Variants in DNAH6 observed in about 807,000 individuals in gnomAD.
The protein encoded by DNAH6 is axonemal beta dynein heavy chain 6.
DNAH6 carries 340 observed loss-of-function variants against 491.4 expected under a neutral mutation model. The observed-to-expected ratio is 0.69, with a 90% CI of 0.63 to 0.76. The LOEUF (loss-of-function observed/expected upper bound fraction) is 0.76. DNAH6 is among the 30% of genes least tolerant of loss of function. DNAH6 has a pLI of 0.00. For synonymous variants in DNAH6, 1,603 were observed against 1,686.1 expected (o/e 0.95, Z 1.21); for missense variants, 4,443 against 4,972.2 (o/e 0.89, Z 3.20).
chr2:84,814,164 C>G (rs1299219095), intron 75 of DNAH6, 42 bp downstream of exon 75: 1 of 1,538,490 alleles, frequency 6.5e-7, no homozygotes, highest in Non-Finnish European at 8.8e-7. Context: ...GCTTCTATCC[C>G]ACTGTCTTTG....
At chr2:84,609,140 G>C (rs1686061657) in intron 21 of DNAH6, among the ~76,000 whole-genome samples, 2 of 152,076 alleles carry the variant, frequency 1.3e-5, no homozygotes, top group Admixed American at 6.6e-5. Context: ...TTGGCTTAAG[G>C]GAATGTTATG....
chr2:84,755,298 C>A (rs1673892820), intron 63 of DNAH6, among the ~76,000 whole-genome samples: 1 of 152,178 alleles, frequency 6.6e-6, no homozygotes, highest in Non-Finnish European at 1.5e-5. Flanking sequence ...TTCTGCCCTG[C>A]ACCATGGAAT....
Position 84,692,326 on chromosome 2 carries a change from G to GTGA in DNAH6, c.7293-1920_7293-1918dup, listed in dbSNP as rs1210358952. Among the ~76,000 whole-genome samples, 3 of 152,238 alleles carry GTGA rather than the reference G, an allele frequency of 2.0e-5. No individual in the cohort carries two copies. In the South Asian group the frequency reaches 6.2e-4, roughly 32 times the overall value. On this transcript the variant is annotated intron_variant, in intron 45 of 76. Coordinates refer to ENST00000389394, the MANE Select transcript of DNAH6 (RefSeq NM_001370.2). The stretch of plus-strand genomic sequence containing the variant: ...TTCTCTCATGAGTTACAGTGACCAT[G>GTGA]TGATGTTTTCATAATCAAAAAATAA...
In DNAH6 at chr2:84,718,258, C is replaced by T. The variant is rs1573589720; in HGVS notation, c.9666C>T (p.Ile3222=). 3.9e-6 allele frequency: 6 copies of T among 1,548,026 alleles called. No homozygotes were observed. Among genetic ancestry groups the T allele is most frequent in the East Asian group, 2.5e-5 (1 of 40,708 alleles). Residue 3222 remains isoleucine (I), a synonymous_variant, in exon 59 of 77, where the codon ATC becomes ATT. Coordinates refer to ENST00000389394, the MANE Select transcript of DNAH6 (RefSeq NM_001370.2). ...TGGAAGAACAAAGAATTAAGCTCATCGTGAGGATCAACACTGATAAAAACC... is the reference window on the plus strand; with the variant it reads ...TGGAAGAACAAAGAATTAAGCTCATTGTGAGGATCAACACTGATAAAAACC... The part of the protein sequence containing the change: ...PRLEEQRIKL[I]VRINTDKNQL...
intron 37 of DNAH6, 27 bp downstream of exon 37, chr2:84,659,196 A>T: frequency 8.2e-7 from 1 of 1,221,744 alleles, no homozygotes; most frequent in Non-Finnish European, 1.1e-6. Flanking sequence ...TTATATTTTA[A>T]CATAATAATT....
chr2:84,692,861 G>A (rs764458472), intron 45 of DNAH6, among the ~76,000 whole-genome samples: 2 of 152,154 alleles, frequency 1.3e-5, no homozygotes, highest in African/African-American at 2.4e-5. Flanking sequence ...TCATCTTGTC[G>A]AGTAGATGCC....
the DNAH6 span, among the ~76,000 whole-genome samples, chr2:84,493,454 T>C: frequency 2.0e-5 from 3 of 152,338 alleles, no homozygotes; most frequent in Admixed American, 2.0e-4. Flanking sequence ...TAAATGTAGC[T>C]TCCATTAAAA....
chr2:84,717,484 TAGCC>T (rs761043414), intron 58 of DNAH6, among the ~76,000 whole-genome samples: 6 of 152,196 alleles, frequency 3.9e-5, no homozygotes, highest in Non-Finnish European at 8.8e-5. Context: ...TGGCCTCTCA[TAGCC>T]ATGTGATCTC....
In DNAH6 at chr2:84,685,410, A is replaced by C. The variant is rs1262738636; in HGVS notation, c.7001A>C (p.His2334Pro). Residue 2334 changes from histidine (H) to proline (P), a missense_variant, in exon 43 of 77, where the codon CAT (histidine) becomes CCT (proline). This residue lies in a region of DNAH6 where 2,977 missense variants were observed against 3,296.6 expected (regional missense o/e 0.90). Coordinates refer to ENST00000389394, the MANE Select transcript of DNAH6 (RefSeq NM_001370.2). ...TGCCATGAGTGCCAAAGGGTCTTCC[A>C]TGATCGCTTGATTAATAATGAAGAT... ...LFCHECQRVF[H>P]DRLINNEDKH... 6.5e-7 allele frequency: 1 copy of C among 1,527,270 alleles called. No individual in the cohort carries two copies. Among genetic ancestry groups the C allele is most frequent in the African/African-American group, 1.4e-5 (1 of 72,784 alleles). The allele number at this position is 1,527,270 out of a possible 1,614,324, so 94.6% of individuals were successfully genotyped here.
chr2:84,647,208 C>T (rs1689984597), intron 33 of DNAH6, among the ~76,000 whole-genome samples: 1 of 152,116 alleles, frequency 6.6e-6, no homozygotes, highest in Non-Finnish European at 1.5e-5. Flanking sequence ...AACTTCTTTC[C>T]CTCGCTAGCT....
Position 84,715,564 on chromosome 2 carries a change from G to T in DNAH6, c.9548G>T (p.Cys3183Phe), listed in dbSNP as rs748794043. The T allele has an allele frequency of 1.3e-6, 2 of 1,551,268 alleles. No homozygotes were observed. The highest frequency in any genetic ancestry group is 8.7e-7 in the Non-Finnish European group (1 of 1,146,836). Residue 3183 changes from cysteine to phenylalanine, a missense_variant, in exon 58 of 77, where the codon TGC (cysteine) becomes TTC (phenylalanine). Coordinates refer to ENST00000389394, the MANE Select transcript of DNAH6 (RefSeq NM_001370.2). Reference sequence around the variant, plus strand: ...CACTCTGTGCTTCTCTTCCAGGTATGCATTAAAGTTACCATTATCAATTTC... The same window carrying T: ...CACTCTGTGCTTCTCTTCCAGGTATTCATTAAAGTTACCATTATCAATTTC... ...MPNPHYLPEV[C>F]IKVTIINFTV...
In DNAH6 at chr2:84,812,788, G is replaced by A. The variant is rs527557744; in HGVS notation, c.11925+262G>A. Among the ~76,000 whole-genome samples, 10 of 152,268 alleles carry A rather than the reference G, an allele frequency of 6.6e-5. No individual in the cohort carries two copies. The South Asian group carries it at 1.9e-3, about 28-fold the overall frequency. On this transcript the variant is annotated intron_variant, in intron 73 of 76. Coordinates refer to ENST00000389394, the MANE Select transcript of DNAH6 (RefSeq NM_001370.2). Reference sequence around the variant, plus strand: ...CTAATTCATGGGACCCCACAGTGAGGTATAGACCAACCAAGATGAGTCCAG... The same window carrying A: ...CTAATTCATGGGACCCCACAGTGAGATATAGACCAACCAAGATGAGTCCAG...
intron 14 of DNAH6, among the ~76,000 whole-genome samples, chr2:84,581,699 G>A (rs180891981): frequency 6.6e-6 from 1 of 152,322 alleles, no homozygotes; most frequent in African/African-American, 2.4e-5. Flanking sequence ...TAGCTATGGA[G>A]AAAGAATGTT....
chr2:84,497,036 T>C, the DNAH6 span, among the ~76,000 whole-genome samples: 2 of 151,612 alleles, frequency 1.3e-5, no homozygotes, highest in African/African-American at 4.9e-5. Flanking sequence ...AGTGACACGA[T>C]CTTGGCTCTC....
chr2:84,493,387 G>A, the DNAH6 span, among the ~76,000 whole-genome samples: 9 of 152,094 alleles, frequency 5.9e-5, no homozygotes, highest in African/African-American at 1.9e-4. Context: ...CTCCTTCATC[G>A]TTTTAATTGG....
chr2:84,484,959 AC>A, the DNAH6 span, among the ~76,000 whole-genome samples: 1 of 152,166 alleles, frequency 6.6e-6, no homozygotes, highest in African/African-American at 2.4e-5. Context: ...TGAGTTCTGA[AC>A]CCAGTCCTGT....
intron 10 of DNAH6, among the ~76,000 whole-genome samples, chr2:84,555,704 T>G (rs1384018143): frequency 1.3e-5 from 2 of 152,026 alleles, no homozygotes; most frequent in African/African-American, 4.8e-5. Flanking sequence ...ACTTATCGAT[T>G]TCTTCGAAAA....
At chr2:84,757,539 C>A (rs1430027879) in intron 63 of DNAH6, among the ~76,000 whole-genome samples, 1 of 152,170 alleles carries the variant, frequency 6.6e-6, no homozygotes, top group South Asian at 2.1e-4. Context: ...GCCATTATGC[C>A]ACTGATGGTT....
At chr2:84,509,654 A>T in the DNAH6 span, among the ~76,000 whole-genome samples, 12 of 152,158 alleles carry the variant, frequency 7.9e-5, no homozygotes, top group Admixed American at 7.2e-4. Flanking sequence ...TAGTTGATGC[A>T]GTTTCTTCCT....
Sources: gnomAD v4.1 joint callset for allele counts (sites outside exome capture counted in the v4.1 genomes callset) on GRCh38, gnomAD v4.1.1 for gene constraint, gnomAD v4.1.1 regional missense constraint, MANE v1.5 for transcripts, NCBI Gene and HGNC (gene_info 2026-07-23, HGNC 2026-07-21) for gene names.